DIAPH2: variants seen among roughly 807,000 people sequenced by gnomAD.
DIAPH2 encodes protein diaphanous homolog 2.
DIAPH2 carries 35 observed loss-of-function variants against 92.7 expected under a neutral mutation model. The observed-to-expected ratio is 0.38, with a 90% CI of 0.29 to 0.50. The LOEUF (loss-of-function observed/expected upper bound fraction) is 0.50. DIAPH2 is among the 20% of genes least tolerant of loss of function. The pLI is 0.94. For missense variants in DIAPH2, 701 were observed against 819.5 expected (o/e 0.86, Z 1.77); for synonymous variants, 301 against 280.4 (o/e 1.07, Z -0.73).
Position 97,062,813 on chromosome X carries a change from A to T in DIAPH2, c.2051-10128A>T, listed in dbSNP as rs778979047. The stretch of plus-strand genomic sequence containing the variant: ...TTTGGGAGGCTGAGGTGGGTGGATT[A>T]CTTGAGGTCAGGAGTTCGAGACCAG... On this transcript the variant is annotated intron_variant, in intron 17 of 26. Coordinates refer to ENST00000324765, the MANE Select transcript of DIAPH2 (RefSeq NM_006729.5). 2.7e-4 allele frequency among the ~76,000 whole-genome samples: 29 copies of T among 108,984 alleles called. No homozygotes were observed. The South Asian group carries it at 0.012, about 45-fold the overall frequency. 94.6% of individuals were successfully genotyped at this position (108,984 alleles called of 115,157 possible).
rs556578077 is a variant in DIAPH2 at position 96,731,808 on chromosome X, C to T, written c.133-3950C>T. Among the ~76,000 whole-genome samples, 6 of 111,470 alleles carry T rather than the reference C, an allele frequency of 5.4e-5. No individual in the cohort carries two copies. The South Asian group carries it at 1.9e-3, about 35-fold the overall frequency. On this transcript the variant is annotated intron_variant, in intron 1 of 26. Transcript: ENST00000324765. The stretch of plus-strand genomic sequence containing the variant: ...CTGATCATAAATGAAGTTTAATAAA[C>T]TCTGATTGCTTGACTAATGCACAGT...
intron 5 of DIAPH2, among the ~76,000 whole-genome samples, chrX:96,895,899 G>A (rs1373003614): frequency 5.4e-5 from 6 of 112,091 alleles, no homozygotes; most frequent in African/African-American, 1.9e-4. Flanking sequence ...AAGCAAGGAA[G>A]GGTTACCAAG....
At chrX:96,879,155 C>T (rs772264991) in intron 4 of DIAPH2, among the ~76,000 whole-genome samples, 1 of 111,531 alleles carries the variant, frequency 9.0e-6, no homozygotes, top group Non-Finnish European at 1.9e-5. Flanking sequence ...AACTAAATTA[C>T]AAAAATAAAT....
chrX:97,521,745 C>A (rs759951651), intron 26 of DIAPH2, among the ~76,000 whole-genome samples: 1 of 111,627 alleles, frequency 9.0e-6, no homozygotes, highest in South Asian at 3.8e-4. Flanking sequence ...GAGGCCTCCC[C>A]AGCCTTGGGG....
intron 9 of DIAPH2, among the ~76,000 whole-genome samples, chrX:96,930,042 C>T (rs998636224): frequency 6.4e-5 from 7 of 110,150 alleles, no homozygotes; most frequent in Non-Finnish European, 1.3e-4. Context: ...ACTCATTTTT[C>T]GGTATCAATA....
intron 25 of DIAPH2, among the ~76,000 whole-genome samples, chrX:97,428,783 G>A (rs2147776478): frequency 9.0e-6 from 1 of 111,330 alleles, no homozygotes; most frequent in Non-Finnish European, 1.9e-5. Context: ...AGGAAGAGCA[G>A]GCTGAGCTCA....
At chrX:96,938,676 G>A (rs1468229036) in intron 11 of DIAPH2, among the ~76,000 whole-genome samples, 1 of 111,803 alleles carries the variant, frequency 8.9e-6, no homozygotes, top group Admixed American at 9.5e-5. Flanking sequence ...CTGATTTCTA[G>A]TTTACTAAAA....
At chrX:96,766,672 C>A (rs183450713) in intron 4 of DIAPH2, among the ~76,000 whole-genome samples, 32 of 111,617 alleles carry the variant, frequency 2.9e-4, no homozygotes, top group African/African-American at 9.8e-4. Context: ...TGCATTTGCC[C>A]AGAGATTACG....
chrX:97,108,420 T>A lies in DIAPH2; in HGVS notation c.2350-6306T>A, dbSNP rs769502067. On this transcript the variant is annotated intron_variant, in intron 20 of 26. Transcript: ENST00000324765. The stretch of plus-strand genomic sequence containing the variant: ...TTTTATTTTATTTACTTATATCACT[T>A]AGGTGCACTCAAGTGCCTTTATGAG... Among the ~76,000 whole-genome samples the A allele has an allele frequency of 2.1e-4, 24 of 112,421 alleles. No homozygotes were observed. The South Asian group carries it at 7.7e-3, about 36-fold the overall frequency.
intron 23 of DIAPH2, among the ~76,000 whole-genome samples, chrX:97,306,293 C>G (rs1372833614): frequency 5.4e-5 from 6 of 111,202 alleles, no homozygotes; most frequent in Non-Finnish European, 9.4e-5. Flanking sequence ...TTCAGCATAA[C>G]TCTCTTTGGC....
chrX:96,807,964 AAAAAAAAAAAAAAAAAAAAG>A (rs2064642089), intron 4 of DIAPH2, among the ~76,000 whole-genome samples: 1 of 95,400 alleles, frequency 1.0e-5, no homozygotes, highest in Admixed American at 1.1e-4. Context: ...AAAAAAAAAA[AAAAAAAAAAAAAAAAAAAAG>A]TCTCCTTGTG....
At chrX:97,001,468 C>T (rs992644918) in intron 17 of DIAPH2, among the ~76,000 whole-genome samples, 1 of 110,893 alleles carries the variant, frequency 9.0e-6, no homozygotes, top group Non-Finnish European at 1.9e-5. Context: ...CATAGTGAAA[C>T]CCTGTCTCTA....
At chrX:97,186,021 C>T (rs995892746) in intron 22 of DIAPH2, among the ~76,000 whole-genome samples, 10 of 110,604 alleles carry the variant, frequency 9.0e-5, no homozygotes, top group Admixed American at 5.8e-4. Context: ...TTTTTATAAA[C>T]ACAAACTGCA....
intron 19 of DIAPH2, among the ~76,000 whole-genome samples, chrX:97,091,954 C>G (rs746420348): frequency 9.0e-6 from 1 of 111,637 alleles, no homozygotes; most frequent in East Asian, 2.8e-4. Context: ...ATCTCCAATC[C>G]CAGAGTCAAG....
At chrX:97,143,736 T>C (rs2067224017) in intron 22 of DIAPH2, among the ~76,000 whole-genome samples, 1 of 111,289 alleles carries the variant, frequency 9.0e-6, no homozygotes, top group African/African-American at 3.3e-5. Flanking sequence ...AGGTAAGATA[T>C]GAAATCAGCC....
At chrX:97,027,677 G>A (rs1209008091) in intron 17 of DIAPH2, among the ~76,000 whole-genome samples, 1 of 112,187 alleles carries the variant, frequency 8.9e-6, no homozygotes, top group Non-Finnish European at 1.9e-5. Flanking sequence ...CTGGAAAGTC[G>A]CTGTGCAAAC....
intron 20 of DIAPH2, among the ~76,000 whole-genome samples, chrX:97,106,739 C>T (rs1455294187): frequency 6.3e-5 from 7 of 110,782 alleles, no homozygotes; most frequent in African/African-American, 9.9e-5. Context: ...CGAGACCAGC[C>T]TTACCAACAT....
At chrX:96,790,944 C>G (rs1314785337) in intron 4 of DIAPH2, among the ~76,000 whole-genome samples, 2 of 111,329 alleles carry the variant, frequency 1.8e-5, no homozygotes, top group Admixed American at 1.9e-4. Flanking sequence ...TCAGTGCTGT[C>G]TGTGTGTAAT....
At chrX:96,878,651 C>G (rs1602588092) in intron 4 of DIAPH2, among the ~76,000 whole-genome samples, 1 of 111,142 alleles carries the variant, frequency 9.0e-6, no homozygotes, top group Non-Finnish European at 1.9e-5. Flanking sequence ...GGGGAGTGAG[C>G]CACAAAGTGA....
Sources: gnomAD v4.1 joint callset for allele counts (sites outside exome capture counted in the v4.1 genomes callset) on GRCh38, gnomAD v4.1.1 for gene constraint, MANE v1.5 for transcripts, NCBI Gene and HGNC (gene_info 2026-07-23, HGNC 2026-07-21) for gene names.